Variants in NR1I2 observed in about 807,000 individuals in gnomAD.
NR1I2 encodes nuclear receptor subfamily 1 group I member 2, also known as orphan nuclear receptor PAR1.
NR1I2 carries 42 observed loss-of-function variants against 43.3 expected under a neutral mutation model. The observed-to-expected ratio is 0.97, with a 90% CI of 0.76 to 1.26. NR1I2 has a LOEUF of 1.26. Ranked by LOEUF, NR1I2 falls within the 50% of genes most tolerant of loss-of-function variation. NR1I2 has a pLI of 0.00. For missense variants in NR1I2, 559 were observed against 566.7 expected, an observed-to-expected ratio of 0.99 and a Z score of 0.14; for synonymous variants, 229 against 215.0, an observed-to-expected ratio of 1.06 and a Z score of -0.57.
chr3:119,798,127 T>C (rs1011210447), intron 1 of NR1I2, among the ~76,000 whole-genome samples: 3 of 152,256 alleles, frequency 2.0e-5, no homozygotes, highest in African/African-American at 7.2e-5. Context: ...AGATTGCTTC[T>C]GTCCGATTCT....
Position 119,793,799 on chromosome 3 carries a change from G to A in NR1I2, c.-23+11499G>A, listed in dbSNP as rs140188532. 8.5e-5 allele frequency among the ~76,000 whole-genome samples: 13 copies of A among 152,228 alleles called. No homozygotes were observed. The East Asian group carries it at 2.5e-3, about 29-fold the overall frequency. Reference sequence around the variant, plus strand: ...GGGATAAGGGTGCAGACATCTTTGAGGGCCTTTATTCTATCTACCATAAGG... The same window carrying A: ...GGGATAAGGGTGCAGACATCTTTGAAGGCCTTTATTCTATCTACCATAAGG... On this transcript the variant is annotated intron_variant, in intron 1 of 8. Transcript: ENST00000393716.
At position 119,795,220 on chromosome 3, in the gene NR1I2, G is replaced by A. The variant is rs541367682; in HGVS notation, c.-22-12009G>A. 2.6e-5 allele frequency among the ~76,000 whole-genome samples: 4 copies of A among 152,296 alleles called. No homozygotes were observed. The South Asian group carries it at 8.3e-4, about 32-fold the overall frequency. Reference sequence around the variant, plus strand: ...GACTCTCCGGCTGTGACCCTGGAGAGTCCTTTAGCAGGGCAAAGTGCAACA... The same window carrying A: ...GACTCTCCGGCTGTGACCCTGGAGAATCCTTTAGCAGGGCAAAGTGCAACA... On this transcript the variant is annotated intron_variant, in intron 1 of 8. Coordinates refer to ENST00000393716, the MANE Select transcript of NR1I2 (RefSeq NM_003889.4).
chr3:119,786,703 C>T (rs914659548), intron 1 of NR1I2, among the ~76,000 whole-genome samples: 1 of 152,180 alleles, frequency 6.6e-6, no homozygotes, highest in Non-Finnish European at 1.5e-5. Context: ...CCTCTTGGAT[C>T]TGATGACCAA....
intron 1 of NR1I2, chr3:119,782,936 CCTT>C: frequency 1.8e-6 from 2 of 1,082,032 alleles, no homozygotes; most frequent in Middle Eastern, 2.0e-4. Flanking sequence ...GCCACCAGGT[CCTT>C]CTTCTCTCCA....
At chr3:119,782,460 GA>G (rs34673274) in intron 1 of NR1I2, among the ~76,000 whole-genome samples, 160 bp downstream of exon 1, 126 of 148,884 alleles carry the variant, frequency 8.5e-4, no homozygotes, top group African/African-American at 2.9e-3. Context: ...TTCTAGGGTG[GA>G]AAAAAAAAAG....
chr3:119,813,903 C>G (rs1266338970), intron 5 of NR1I2, among the ~76,000 whole-genome samples: 2 of 152,132 alleles, frequency 1.3e-5, no homozygotes, highest in African/African-American at 4.8e-5. Context: ...ATGTCGAGCA[C>G]AGTGACCTGA....
chr3:119,817,478 AG>A lies in NR1I2; in HGVS notation c.*268del. Reference sequence around the variant, plus strand: ...GACCTGTAGGTCAGGACCATCAGAGAGGCAAGGTTGCCCTTTCCTTTTAAAA... The same window carrying A: ...GACCTGTAGGTCAGGACCATCAGAGAGCAAGGTTGCCCTTTCCTTTTAAAA... On this transcript the variant is annotated 3_prime_UTR_variant, in exon 9 of 9. Transcript: ENST00000393716. 7.5e-7 allele frequency: 1 copy of A among 1,333,892 alleles called. No individual in the cohort carries two copies. The allele number at this position is 1,333,892 out of a possible 1,614,324, so 82.6% of individuals were successfully genotyped here.
intron 1 of NR1I2, among the ~76,000 whole-genome samples, chr3:119,794,492 CTTTT>C (rs35100139): frequency 7.3e-6 from 1 of 136,228 alleles, no homozygotes; most frequent in African/African-American, 2.7e-5. Context: ...CTCACCCAGC[CTTTT>C]TTTTTTTTTT....
chr3:119,807,345 A>T lies in NR1I2; in HGVS notation c.95A>T (p.Asp32Val), dbSNP rs561984009. 1 of 1,614,266 alleles carries T rather than the reference A, an allele frequency of 6.2e-7. No homozygotes were observed. Among genetic ancestry groups the T allele is most frequent in the South Asian group, 1.1e-5 (1 of 91,088 alleles). The change falls in exon 2 of 9, where the codon GAT (aspartate) becomes GTT (valine). Residue 32 changes from aspartate (D) to valine (V), a missense_variant. Coordinates refer to ENST00000393716, the MANE Select transcript of NR1I2 (RefSeq NM_003889.4). Reference sequence around the variant, plus strand: ...CCTGGAAAGCCCAGTGTCAACGCAGATGAGGAAGTCGGAGGTCCCCAAATC... The same window carrying T: ...CCTGGAAAGCCCAGTGTCAACGCAGTTGAGGAAGTCGGAGGTCCCCAAATC...
At chr3:119,792,389 G>A in intron 1 of NR1I2, 1 of 1,338,432 alleles carries the variant, frequency 7.5e-7, no homozygotes, top group Non-Finnish European at 1.1e-6. Context: ...AGGTGGCTCA[G>A]CAGGATGCAG....
intron 3 of NR1I2, 42 bp downstream of exon 3, chr3:119,810,236 G>A: frequency 6.4e-7 from 1 of 1,558,608 alleles, no homozygotes; most frequent in Non-Finnish European, 8.7e-7. Flanking sequence ...CGGGGTGCAC[G>A]GCTCTGAGTA....
chr3:119,803,598 A>C (rs1308279754), intron 1 of NR1I2, among the ~76,000 whole-genome samples: 3 of 152,202 alleles, frequency 2.0e-5, no homozygotes, highest in Admixed American at 6.5e-5. Flanking sequence ...ACCTGAATGC[A>C]CTAAGACAAT....
chr3:119,787,286 C>CAA (rs752168255), intron 1 of NR1I2, among the ~76,000 whole-genome samples: 3 of 110,418 alleles, frequency 2.7e-5, no homozygotes. Context: ...AGACTGCCTC[C>CAA]AAAAAAAAAA....
chr3:119,796,549 C>T (rs1354685425), intron 1 of NR1I2, among the ~76,000 whole-genome samples: 1 of 152,254 alleles, frequency 6.6e-6, no homozygotes, highest in Non-Finnish European at 1.5e-5. Flanking sequence ...TTCCTCTCCT[C>T]TCTACATACT....
At chr3:119,782,618 C>A (rs2054789170) in intron 1 of NR1I2, 2 of 655,970 alleles carry the variant, frequency 3.0e-6, no homozygotes, top group Non-Finnish European at 5.6e-6. Context: ...TGTTACAGGG[C>A]TGGAGTCCCT....
At position 119,817,331 on chromosome 3, in the gene NR1I2, C is replaced by A; in HGVS notation, c.*119C>A. The A allele has an allele frequency of 1.9e-6, 3 of 1,577,734 alleles. No homozygotes were observed. The highest frequency in any genetic ancestry group is 1.7e-6 in the Non-Finnish European group (2 of 1,167,336). On this transcript the variant is annotated 3_prime_UTR_variant, in exon 9 of 9. Coordinates refer to ENST00000393716, the MANE Select transcript of NR1I2 (RefSeq NM_003889.4). ...AGCCGACAATGCCCTGCTGGCCTGT[C>A]TCCCTAGGGAATTCCTGCTATGACA...
intron 5 of NR1I2, among the ~76,000 whole-genome samples, chr3:119,813,764 G>C (rs528294153): frequency 6.6e-6 from 1 of 152,162 alleles, no homozygotes; most frequent in Non-Finnish European, 1.5e-5. Context: ...TCAGATGGTA[G>C]CAAATAAGCT....
At chr3:119,800,038 G>A (rs1444671561) in intron 1 of NR1I2, among the ~76,000 whole-genome samples, 3 of 151,744 alleles carry the variant, frequency 2.0e-5, no homozygotes, top group African/African-American at 7.3e-5. Flanking sequence ...AAGCCTTCAC[G>A]CTTTTGGTGT....
rs879872700 is a variant in NR1I2 at position 119,817,696 on chromosome 3, GCT to G, written c.*485_*486del. 3.4e-5 allele frequency: 38 copies of G among 1,108,470 alleles called. 1 individual carries two copies. In the Admixed American group the frequency reaches 1.7e-3, roughly 50 times the overall value. 68.7% of individuals were successfully genotyped at this position (1,108,470 alleles called of 1,614,324 possible). ...CCCACTCGTTCCCCTCCTCTTCCGA[GCT>G]GCTTTGTGGGCTCCAGGCCTGTACT... On this transcript the variant is annotated 3_prime_UTR_variant, in exon 9 of 9. Transcript: ENST00000393716.
Sources: allele counts gnomAD v4.1 joint callset (sites outside exome capture counted in the v4.1 genomes callset), GRCh38; gene constraint gnomAD v4.1.1; transcripts MANE v1.5; gene names NCBI Gene and HGNC (gene_info 2026-07-23, HGNC 2026-07-21).